The following TNS3 variants were observed in gnomAD, a reference collection of about 807,000 sequenced individuals.
TNS3 encodes the protein tensin 3.
A neutral mutation model predicts 140.9 loss-of-function variants in TNS3; 45 were observed. That is an observed-to-expected ratio of 0.32 (90% CI 0.25 to 0.41). The LOEUF is 0.41. Ranked by LOEUF, TNS3 falls within the 10% of genes least tolerant of loss-of-function variation. TNS3 has a pLI of 1.00. For missense variants in TNS3, 1,716 were observed against 1,906.7 expected, an observed-to-expected ratio of 0.90 and a Z score of 1.86; for synonymous variants, 815 against 788.4, an observed-to-expected ratio of 1.03 and a Z score of -0.56.
chr7:47,406,465 C>T (rs1293294230), intron 13 of TNS3, among the ~76,000 whole-genome samples: 3 of 152,144 alleles, frequency 2.0e-5, no homozygotes, highest in Non-Finnish European at 2.9e-5. Context: ...AGTGCAGAGG[C>T]CCTCATGAGG....
chr7:47,358,639 G>A (rs1047183987), intron 17 of TNS3, among the ~76,000 whole-genome samples: 3 of 152,304 alleles, frequency 2.0e-5, no homozygotes, highest in East Asian at 1.9e-4. Context: ...CGGGAGTGTC[G>A]GCAGCCTTGG....
chr7:47,524,180 G>A (rs907156474), intron 2 of TNS3, among the ~76,000 whole-genome samples: 19 of 152,126 alleles, frequency 1.2e-4, no homozygotes, highest in African/African-American at 4.3e-4. Context: ...CGGTGGTCCC[G>A]TCCTGCCTCA....
intron 12 of TNS3, among the ~76,000 whole-genome samples, chr7:47,412,248 A>T (rs1286597942): frequency 6.6e-6 from 1 of 152,220 alleles, no homozygotes; most frequent in African/African-American, 2.4e-5. Flanking sequence ...TTTTCATAAA[A>T]TGCCTGTCCA....
At chr7:47,477,854 C>T (rs1034718292) in intron 4 of TNS3, among the ~76,000 whole-genome samples, 2 of 152,212 alleles carry the variant, frequency 1.3e-5, no homozygotes, top group Non-Finnish European at 2.9e-5. Flanking sequence ...GCCCAAGCTC[C>T]GCTAAATGGG....
At chr7:47,415,001 G>T in intron 11 of TNS3, 93 bp downstream of exon 11, 2 of 925,130 alleles carry the variant, frequency 2.2e-6, no homozygotes, top group Non-Finnish European at 3.3e-6. Context: ...CCTCTCGGAA[G>T]GAAAGCCGAG....
chr7:47,369,346 G>C lies in TNS3; in HGVS notation c.1300C>G (p.Leu434Val). 6.2e-7 allele frequency: 1 copy of C among 1,614,210 alleles called. No individual in the cohort carries two copies. The highest frequency in any genetic ancestry group is 8.5e-7 in the Non-Finnish European group (1 of 1,180,048). ...ELDQLLSGFG[L>V]EDPGSSLKEM... The stretch of plus-strand genomic sequence containing the variant: ...TTGAGGGAGCTTCCAGGATCTTCCA[G>C]GCCAAAGCCACTGAGCAGCTGGTCC... Residue 434 changes from leucine (L) to valine (V), a missense_variant, in exon 17 of 31, where the codon CTG becomes GTG. Coordinates refer to ENST00000311160, the MANE Select transcript of TNS3 (RefSeq NM_022748.12).
At chr7:47,477,640 G>T (rs1797245326) in intron 4 of TNS3, among the ~76,000 whole-genome samples, 2 of 152,174 alleles carry the variant, frequency 1.3e-5, no homozygotes, top group Admixed American at 6.5e-5. Context: ...CAGCTATCAG[G>T]TGACCTGGCC....
intron 27 of TNS3, among the ~76,000 whole-genome samples, chr7:47,284,538 C>A (rs9639979): frequency 1.3e-5 from 2 of 152,102 alleles, no homozygotes; most frequent in Middle Eastern, 3.2e-3. Flanking sequence ...AGCCTGTGAC[C>A]CTGCAGTTCA....
chr7:47,364,987 A>T (rs1790608970), intron 17 of TNS3, among the ~76,000 whole-genome samples: 1 of 152,258 alleles, frequency 6.6e-6, no homozygotes, highest in African/African-American at 2.4e-5. Flanking sequence ...ATGCCTGTCA[A>T]ATATGAATAG....
At chr7:47,288,175 C>T (rs1254414160) in intron 27 of TNS3, among the ~76,000 whole-genome samples, 1 of 152,142 alleles carries the variant, frequency 6.6e-6, no homozygotes, top group African/African-American at 2.4e-5. Flanking sequence ...GTCCCTGAGA[C>T]AATATGGGCA....
At chr7:47,349,887 T>C (rs1035328272) in intron 17 of TNS3, among the ~76,000 whole-genome samples, 3 of 152,198 alleles carry the variant, frequency 2.0e-5, no homozygotes, top group African/African-American at 4.8e-5. Flanking sequence ...GGGCAGGTGC[T>C]CTCATAGAGA....
chr7:47,400,299 A>G lies in TNS3; in HGVS notation c.919+94T>C, dbSNP rs1378494093. 15 of 995,232 alleles carry G rather than the reference A, an allele frequency of 1.5e-5. No individual in the cohort carries two copies. In the East Asian group the frequency reaches 3.6e-4, roughly 24 times the overall value. 61.7% of individuals were successfully genotyped at this position (995,232 alleles called of 1,614,324 possible). On this transcript the variant is annotated intron_variant, in intron 15 of 30. Coordinates refer to ENST00000311160, the MANE Select transcript of TNS3 (RefSeq NM_022748.12). The stretch of plus-strand genomic sequence containing the variant: ...CACAGAAATCTCCAAATATGCACAA[A>G]GGCAGGAGACTAGTACTACAGCCCC...
At chr7:47,412,703 A>C (rs1353599191) in intron 12 of TNS3, among the ~76,000 whole-genome samples, 1 of 152,256 alleles carries the variant, frequency 6.6e-6, no homozygotes, top group Non-Finnish European at 1.5e-5. Flanking sequence ...GCTCACAGTT[A>C]ACCTTCCCTA....
chr7:47,579,797 T>C (rs1380673538), intron 1 of TNS3: 1 of 980,480 alleles, frequency 1.0e-6, no homozygotes, highest in East Asian at 1.1e-4. Flanking sequence ...TAAGCAGATA[T>C]AAGCTGCGAC....
At chr7:47,579,728 A>G in intron 1 of TNS3, 1 of 474,992 alleles carries the variant, frequency 2.1e-6, no homozygotes, top group Non-Finnish European at 2.8e-6. Context: ...CTGTTCCCAG[A>G]CTTTAAGAAT....
chr7:47,392,819 A>G (rs1792605511), intron 16 of TNS3, among the ~76,000 whole-genome samples: 1 of 152,248 alleles, frequency 6.6e-6, no homozygotes. Context: ...AAATTCAACA[A>G]GGATGAGTTT....
At chr7:47,504,815 T>G (rs1171532063) in intron 3 of TNS3, among the ~76,000 whole-genome samples, 1 of 152,138 alleles carries the variant, frequency 6.6e-6, no homozygotes, top group African/African-American at 2.4e-5. Flanking sequence ...TGCCAGGGGC[T>G]TTCTCCCCTG....
At chr7:47,346,769 G>T (rs73109047) in intron 17 of TNS3, among the ~76,000 whole-genome samples, 15,839 of 152,240 alleles carry the variant, frequency 0.1, 944 homozygotes, top group East Asian at 0.17. Context: ...GTGCCCTGAG[G>T]ACCACACACC....
At chr7:47,304,748 A>C in intron 21 of TNS3, 84 bp downstream of exon 21, 1 of 1,265,342 alleles carries the variant, frequency 7.9e-7, no homozygotes, top group Non-Finnish European at 1.0e-6. Context: ...TCTGAAGAGC[A>C]AGCCCCCGCT....
Sources: gnomAD v4.1 joint callset for allele counts (sites outside exome capture counted in the v4.1 genomes callset) on GRCh38, gnomAD v4.1.1 for gene constraint, MANE v1.5 for transcripts, NCBI Gene and HGNC (gene_info 2026-07-23, HGNC 2026-07-21) for gene names.